The following BMPR1A variants were observed in gnomAD, a reference collection of about 807,000 sequenced individuals.
BMPR1A encodes bone morphogenetic protein receptor type-1A.
In BMPR1A, 7 loss-of-function variants were observed where a neutral mutation model predicts 66.0. The ratio of observed to expected loss-of-function variants is 0.11; its 90% CI spans 0.06 to 0.20. The LOEUF is 0.20. Ranked by LOEUF, BMPR1A falls within the 10% of genes least tolerant of loss-of-function variation. The pLI is 1.00. For missense variants in BMPR1A, 408 were observed against 669.1 expected (o/e 0.61, Z 4.31); for synonymous variants, 200 against 229.7 (o/e 0.87, Z 1.17).
In BMPR1A at chr10:86,855,961, T is replaced by C. The variant is rs2133207327; in HGVS notation, c.-153+16982T>C. On this transcript the variant is annotated intron_variant, in intron 2 of 12. Transcript: ENST00000372037. Reference sequence around the variant, plus strand: ...TGGCTTTACTGCATAACTATTTCTTTTCCAGAATGGCCACTTTGCCCTTCC... The same window carrying C: ...TGGCTTTACTGCATAACTATTTCTTCTCCAGAATGGCCACTTTGCCCTTCC... The C allele has an allele frequency of 2.7e-5, 17 of 627,818 alleles. No homozygotes were observed. In the South Asian group the frequency reaches 2.9e-4, roughly 11 times the overall value. 38.9% of individuals were successfully genotyped at this position (627,818 alleles called of 1,614,324 possible). A position where few individuals can be genotyped will look rare whatever the true frequency, so the allele number is the denominator to read the frequency against.
chr10:86,772,170 G>A (rs1486659032), intron 1 of BMPR1A, among the ~76,000 whole-genome samples: 12 of 119,346 alleles, frequency 1.0e-4, no homozygotes, highest in East Asian at 5.0e-4. Context: ...TTTCTCTGTC[G>A]CCCAGGCTGG....
intron 7 of BMPR1A, among the ~76,000 whole-genome samples, chr10:86,903,516 T>G (rs930417380): frequency 9.2e-5 from 14 of 152,138 alleles, no homozygotes; most frequent in Middle Eastern, 3.4e-3. Flanking sequence ...AATATAGATA[T>G]AATTGGAGTT....
At chr10:86,831,328 G>A (rs540516716) in intron 1 of BMPR1A, among the ~76,000 whole-genome samples, 1 of 152,048 alleles carries the variant, frequency 6.6e-6, no homozygotes, top group Non-Finnish European at 1.5e-5. Flanking sequence ...TATTTGGGAT[G>A]TCTTTTTATG....
intron 1 of BMPR1A, among the ~76,000 whole-genome samples, chr10:86,832,521 A>T (rs574161014): frequency 6.6e-6 from 1 of 151,970 alleles, no homozygotes; most frequent in East Asian, 1.9e-4. Context: ...TAAATTTTTT[A>T]ACTTTAGTAA....
At chr10:86,911,037 C>T (rs116180618) in intron 7 of BMPR1A, among the ~76,000 whole-genome samples, 2,678 of 151,930 alleles carry the variant, frequency 0.018, 85 homozygotes, top group African/African-American at 0.062. Context: ...TACCAGTAGT[C>T]CCAGCCACTT....
At chr10:86,816,035 G>A (rs540054242) in intron 1 of BMPR1A, among the ~76,000 whole-genome samples, 3 of 152,272 alleles carry the variant, frequency 2.0e-5, no homozygotes, top group East Asian at 1.9e-4. Context: ...CTGCATACCC[G>A]TGTTGGACAT....
chr10:86,781,960 A>G (rs1029581524), intron 1 of BMPR1A, among the ~76,000 whole-genome samples: 2 of 131,650 alleles, frequency 1.5e-5, no homozygotes, highest in Non-Finnish European at 3.1e-5. Flanking sequence ...CCCGCCTCCC[A>G]GGTTCAAGTG....
At chr10:86,866,402 T>TTTTTTTTTC (rs1554885975) in intron 2 of BMPR1A, among the ~76,000 whole-genome samples, 11,057 of 95,950 alleles carry the variant, frequency 0.12, 1,568 homozygotes, top group East Asian at 0.43. Context: ...TTTCTTTCTT[T>TTTTTTTTTC]TTTTTTTTTT....
At position 86,927,022 on chromosome 10, in the gene BMPR1A, G is replaced by A. The variant is rs1453381253; in HGVS notation, c.*3303G>A. 2 of 187,090 alleles carry A rather than the reference G, an allele frequency of 1.1e-5. No individual in the cohort carries two copies. Among genetic ancestry groups the A allele is most frequent in the Non-Finnish European group, 2.3e-5 (2 of 88,782 alleles). The allele number at this position is 187,090 out of a possible 1,614,324, so 11.6% of individuals were successfully genotyped here. A position where few individuals can be genotyped will look rare whatever the true frequency, so the allele number is the denominator to read the frequency against. On this transcript the variant is annotated 3_prime_UTR_variant, in exon 13 of 13. Coordinates refer to ENST00000372037, the MANE Select transcript of BMPR1A (RefSeq NM_004329.3). ...ATTTTCACAAAAGTTATTTTAATCAGTATTTTTACATTGCCTTTCCAGTGT... is the reference window on the plus strand; with the variant it reads ...ATTTTCACAAAAGTTATTTTAATCAATATTTTTACATTGCCTTTCCAGTGT...
chr10:86,860,647 G>A (rs1371018509), intron 2 of BMPR1A, among the ~76,000 whole-genome samples: 5 of 151,682 alleles, frequency 3.3e-5, no homozygotes, highest in Admixed American at 6.6e-5. Context: ...GCATGTGCCT[G>A]TAGTCCCAGC....
intron 1 of BMPR1A, among the ~76,000 whole-genome samples, chr10:86,838,543 G>A (rs961538790): frequency 1.5e-4 from 22 of 151,692 alleles, no homozygotes; most frequent in Admixed American, 5.9e-4. Flanking sequence ...TGTACATTTC[G>A]GTGCTGCTTC....
At chr10:86,840,927 C>T (rs568203095) in intron 2 of BMPR1A, among the ~76,000 whole-genome samples, 2 of 152,228 alleles carry the variant, frequency 1.3e-5, no homozygotes, top group Non-Finnish European at 2.9e-5. Context: ...TTACATCTCA[C>T]TGAAAATATT....
intron 2 of BMPR1A, among the ~76,000 whole-genome samples, chr10:86,864,196 C>G (rs1389874966): frequency 2.6e-5 from 4 of 152,178 alleles, no homozygotes; most frequent in Non-Finnish European, 5.9e-5. Flanking sequence ...TGTCTACCTG[C>G]TAATTAGACA....
chr10:86,785,615 T>C (rs1317128438), intron 1 of BMPR1A, among the ~76,000 whole-genome samples: 1 of 152,188 alleles, frequency 6.6e-6, no homozygotes, highest in Non-Finnish European at 1.5e-5. Flanking sequence ...TATAGTGTTC[T>C]TTATGTGTCC....
chr10:86,866,443 C>T (rs1184587886), intron 2 of BMPR1A, among the ~76,000 whole-genome samples: 1 of 114,934 alleles, frequency 8.7e-6, no homozygotes. Context: ...GAGTCTCGCA[C>T]TGTCACCTGA....
intron 1 of BMPR1A, among the ~76,000 whole-genome samples, chr10:86,836,438 T>A (rs1361707624): frequency 6.6e-6 from 1 of 152,196 alleles, no homozygotes; most frequent in Non-Finnish European, 1.5e-5. Flanking sequence ...TTGGCTGGTC[T>A]ATTTTATTTT....
At chr10:86,805,650 A>G (rs1051388082) in intron 1 of BMPR1A, among the ~76,000 whole-genome samples, 3 of 151,742 alleles carry the variant, frequency 2.0e-5, no homozygotes, top group African/African-American at 7.3e-5. Context: ...TTTAGTAGAG[A>G]CGGGGTTTTG....
Position 86,787,716 on chromosome 10 carries a change from G to C in BMPR1A, c.-268+30797G>C, listed in dbSNP as rs547816893. On this transcript the variant is annotated intron_variant, in intron 1 of 12. Transcript: ENST00000372037. ...ACTCACAGTAATGCAGGCTATACAG[G>C]AGGCATGGCTGGAGAGGCCTCAGGA... 9.2e-5 allele frequency among the ~76,000 whole-genome samples: 14 copies of C among 152,278 alleles called. No homozygotes were observed. In the South Asian group the frequency reaches 2.9e-3, roughly 32 times the overall value.
chr10:86,873,035 C>T (rs1035868001), intron 2 of BMPR1A, among the ~76,000 whole-genome samples: 12 of 152,184 alleles, frequency 7.9e-5, no homozygotes, highest in African/African-American at 1.4e-4. Context: ...AAGGAACTCA[C>T]ACACAGTCCT....
Sources: gnomAD v4.1 joint callset for allele counts (sites outside exome capture counted in the v4.1 genomes callset) on GRCh38, gnomAD v4.1.1 for gene constraint, MANE v1.5 for transcripts, NCBI Gene and HGNC (gene_info 2026-07-23, HGNC 2026-07-21) for gene names.